Variants in NRXN1 observed in about 807,000 individuals in gnomAD.
The protein encoded by NRXN1 is neurexin 1, also known as neurexin-1.
A neutral mutation model predicts 150.9 loss-of-function variants in NRXN1; 39 were observed. That is an observed-to-expected ratio of 0.26 (90% CI 0.20 to 0.34). The LOEUF is 0.34. Ranked by LOEUF, NRXN1 falls within the 10% of genes least tolerant of loss-of-function variation. The probability of loss-of-function intolerance (pLI) is 1.00; values close to 1 mark genes in which losing one functional copy is unlikely to be tolerated. For synonymous variants in NRXN1, 924 were observed against 757.0 expected (o/e 1.22, Z -3.62); for missense variants, 1,815 against 1,949.9 (o/e 0.93, Z 1.30).
At chr2:50,595,275 A>G (rs761736250) in intron 8 of NRXN1, among the ~76,000 whole-genome samples, 30 of 152,100 alleles carry the variant, frequency 2.0e-4, no homozygotes, top group Non-Finnish European at 4.4e-5. Flanking sequence ...GTTTTGGAAG[A>G]AAGAAAGAAT....
intron 12 of NRXN1, among the ~76,000 whole-genome samples, chr2:50,507,853 G>A (rs528079999): frequency 8.6e-5 from 13 of 151,972 alleles, no homozygotes; most frequent in African/African-American, 3.1e-4. Flanking sequence ...ATATCATTGA[G>A]TTTCATGTCT....
intron 18 of NRXN1, chr2:50,185,610 C>G (rs886413124): frequency 6.6e-6 from 1 of 152,064 alleles, no homozygotes; most frequent in African/African-American, 2.4e-5. Context: ...TGTCTAGCAT[C>G]TGGATGCAGA....
At chr2:50,917,642 G>A (rs1386444455) in intron 5 of NRXN1, 4 of 151,558 alleles carry the variant, frequency 2.6e-5, no homozygotes, top group Admixed American at 6.6e-5. Context: ...ACACTCCAGA[G>A]AGCTCTCTTT....
chr2:50,312,345 TA>T (rs1178323600), intron 17 of NRXN1, among the ~76,000 whole-genome samples: 1 of 151,628 alleles, frequency 6.6e-6, no homozygotes, highest in African/African-American at 2.4e-5. Context: ...ATGCAGGGGT[TA>T]AAAAAAGAAA....
chr2:49,931,884 T>A (rs1670189307), intron 22 of NRXN1, among the ~76,000 whole-genome samples: 1 of 152,198 alleles, frequency 6.6e-6, no homozygotes, highest in South Asian at 2.1e-4. Flanking sequence ...GAAATCACTT[T>A]TCTTAAGATC....
At chr2:50,087,406 T>C (rs1160091260) in intron 19 of NRXN1, among the ~76,000 whole-genome samples, 5 of 152,116 alleles carry the variant, frequency 3.3e-5, no homozygotes, top group African/African-American at 1.2e-4. Flanking sequence ...AATTCAAAAG[T>C]TTATTATCAA....
intron 18 of NRXN1, among the ~76,000 whole-genome samples, chr2:50,171,677 C>A (rs948600308): frequency 2.0e-5 from 3 of 152,170 alleles, no homozygotes; most frequent in Admixed American, 6.6e-5. Flanking sequence ...CTTAGAGTCT[C>A]CACTAAAATT....
chr2:50,000,943 A>C (rs1418595271), intron 21 of NRXN1, among the ~76,000 whole-genome samples: 2 of 152,198 alleles, frequency 1.3e-5, no homozygotes, highest in Non-Finnish European at 2.9e-5. Context: ...TGTGAAAGTC[A>C]GACAACACGG....
chr2:50,255,190 A>G (rs542486824), intron 17 of NRXN1, among the ~76,000 whole-genome samples: 3 of 152,314 alleles, frequency 2.0e-5, no homozygotes, highest in Non-Finnish European at 2.9e-5. Context: ...CATTGACAAG[A>G]AATTGTGGGT....
chr2:50,756,340 A>G (rs1306246657), intron 5 of NRXN1, among the ~76,000 whole-genome samples: 1 of 151,694 alleles, frequency 6.6e-6, no homozygotes, highest in Non-Finnish European at 1.5e-5. Flanking sequence ...AGCAAAGTGC[A>G]TTCTAGATGC....
chr2:50,534,952 T>C (rs887255274), intron 10 of NRXN1, among the ~76,000 whole-genome samples: 13 of 152,130 alleles, frequency 8.5e-5, no homozygotes, highest in African/African-American at 3.1e-4. Flanking sequence ...TTTAACATTC[T>C]CCAGAAAGCT....
At chr2:50,798,381 G>C (rs928993180) in intron 5 of NRXN1, among the ~76,000 whole-genome samples, 2 of 152,094 alleles carry the variant, frequency 1.3e-5, no homozygotes, top group Non-Finnish European at 1.5e-5. Context: ...TCAAGTATTA[G>C]AGTACTCATA....
chr2:50,351,444 T>G (rs535049476), intron 17 of NRXN1, among the ~76,000 whole-genome samples: 33 of 152,252 alleles, frequency 2.2e-4, no homozygotes, highest in African/African-American at 7.5e-4. Flanking sequence ...CTGTTGAAAA[T>G]AAGTTATCAC....
At chr2:50,073,584 G>A (rs1558819372) in intron 19 of NRXN1, among the ~76,000 whole-genome samples, 1 of 152,120 alleles carries the variant, frequency 6.6e-6, no homozygotes, top group African/African-American at 2.4e-5. Flanking sequence ...GGTAGTCACA[G>A]TAGTGCTCAC....
At chr2:50,156,045 C>A (rs1384847979) in intron 18 of NRXN1, among the ~76,000 whole-genome samples, 1 of 151,542 alleles carries the variant, frequency 6.6e-6, no homozygotes, top group East Asian at 1.9e-4. Flanking sequence ...ATGTTTTTAG[C>A]ATTTATCTCT....
chr2:50,174,103 T>C (rs1007381041), intron 18 of NRXN1, among the ~76,000 whole-genome samples: 4 of 152,170 alleles, frequency 2.6e-5, no homozygotes, highest in African/African-American at 9.6e-5. Context: ...AAATTGGCCT[T>C]CTGATTAGAA....
chr2:50,725,065 G>T (rs967066982), intron 5 of NRXN1, among the ~76,000 whole-genome samples: 2 of 151,080 alleles, frequency 1.3e-5, no homozygotes, highest in African/African-American at 4.8e-5. Context: ...TCCACACTTG[G>T]ATTTGCACAT....
At chr2:50,593,472 C>T (rs1674625600) in intron 8 of NRXN1, among the ~76,000 whole-genome samples, 2 of 152,148 alleles carry the variant, frequency 1.3e-5, no homozygotes, top group African/African-American at 2.4e-5. Context: ...GGTAATTCAA[C>T]TTGTCTCTTT....
intron 18 of NRXN1, among the ~76,000 whole-genome samples, chr2:50,099,999 A>T (rs951948554): frequency 6.6e-6 from 1 of 152,176 alleles, no homozygotes; most frequent in African/African-American, 2.4e-5. Flanking sequence ...TTCTCACGGA[A>T]AAAATTTAGA....
Sources: gnomAD v4.1 joint callset for allele counts (sites outside exome capture counted in the v4.1 genomes callset) on GRCh38, gnomAD v4.1.1 for gene constraint, MANE v1.5 for transcripts, NCBI Gene and HGNC (gene_info 2026-07-23, HGNC 2026-07-21) for gene names.